The following EYS variants were observed in gnomAD, a reference collection of about 807,000 sequenced individuals.
EYS encodes EGF-like photoreceptor maintenance factor.
A neutral mutation model predicts 282.1 loss-of-function variants in EYS; 250 were observed. That is an observed-to-expected ratio of 0.89 (90% CI 0.80 to 0.98). The LOEUF is 0.98. Ranked by LOEUF, EYS falls within the 50% of genes least tolerant of loss-of-function variation. The probability of loss-of-function intolerance (pLI) is 0.00; values close to 1 mark genes in which losing one functional copy is unlikely to be tolerated. For missense variants in EYS, 4,016 were observed against 3,709.0 expected, an observed-to-expected ratio of 1.08 and a Z score of -2.15; for synonymous variants, 1,355 against 1,282.9, an observed-to-expected ratio of 1.06 and a Z score of -1.20.
chr6:64,836,595 A>C (rs1765390531), intron 19 of EYS, among the ~76,000 whole-genome samples: 1 of 151,572 alleles, frequency 6.6e-6, no homozygotes, highest in Non-Finnish European at 1.5e-5. Context: ...AATTTTACCA[A>C]AATTTTTTTC....
At chr6:65,062,241 C>T (rs1174530530) in intron 12 of EYS, among the ~76,000 whole-genome samples, 1 of 151,856 alleles carries the variant, frequency 6.6e-6, no homozygotes, top group Non-Finnish European at 1.5e-5. Flanking sequence ...AAACAAAACT[C>T]TCTAAGCAGC....
At chr6:64,431,167 AT>A (rs145429393) in intron 28 of EYS, among the ~76,000 whole-genome samples, 11 of 151,950 alleles carry the variant, frequency 7.2e-5, no homozygotes, top group African/African-American at 2.7e-4. Flanking sequence ...CTGCCTCCCT[AT>A]TTTTTTGATA....
At chr6:65,605,665 A>G (rs1380236747) in intron 2 of EYS, among the ~76,000 whole-genome samples, 2 of 151,916 alleles carry the variant, frequency 1.3e-5, no homozygotes, top group African/African-American at 2.4e-5. Flanking sequence ...TTGATTAAAT[A>G]CATTTGGTAT....
chr6:64,095,835 G>A (rs980136100), intron 31 of EYS, among the ~76,000 whole-genome samples: 2 of 152,178 alleles, frequency 1.3e-5, no homozygotes, highest in African/African-American at 4.8e-5. Flanking sequence ...AGTTGATGCA[G>A]TTTCTTCCTA....
chr6:64,228,760 A>G (rs984080554), intron 31 of EYS, among the ~76,000 whole-genome samples: 1 of 152,124 alleles, frequency 6.6e-6, no homozygotes, highest in African/African-American at 2.4e-5. Context: ...CCAAAACATC[A>G]AATACAATTA....
intron 41 of EYS, 92 bp from the exon 42 acceptor site, chr6:63,726,772 T>C: frequency 1.7e-6 from 2 of 1,190,916 alleles, no homozygotes; most frequent in Non-Finnish European, 2.4e-6. Context: ...TGTAATTTTG[T>C]AATTTCAGGA....
intron 15 of EYS, among the ~76,000 whole-genome samples, chr6:64,918,541 A>C (rs1768234233): frequency 6.6e-6 from 1 of 152,194 alleles, no homozygotes; most frequent in African/African-American, 2.4e-5. Context: ...TGGAAGCATG[A>C]AGATCATTTA....
intron 22 of EYS, among the ~76,000 whole-genome samples, chr6:64,701,159 G>C (rs1393519294): frequency 1.3e-5 from 2 of 152,052 alleles, no homozygotes; most frequent in African/African-American, 4.8e-5. Flanking sequence ...GGCCGAACTG[G>C]ATTGCCATAT....
chr6:64,184,616 A>ATTG, intron 31 of EYS, among the ~76,000 whole-genome samples: 1 of 140,010 alleles, frequency 7.1e-6, no homozygotes, highest in African/African-American at 2.5e-5. Context: ...CTGGAAGGCT[A>ATTG]ACACTTGAAA....
intron 11 of EYS, among the ~76,000 whole-genome samples, chr6:65,324,400 C>T (rs184482342): frequency 2.3e-3 from 354 of 152,290 alleles, no homozygotes; most frequent in Admixed American, 4.8e-3. Context: ...CAGTTCACAT[C>T]TTCACCCTAA....
chr6:64,251,680 G>C (rs4710476), intron 30 of EYS, among the ~76,000 whole-genome samples: 2 of 151,882 alleles, frequency 1.3e-5, no homozygotes, highest in Non-Finnish European at 1.5e-5. Context: ...ATGTTTTGCT[G>C]AAATAGTTTA....
intron 12 of EYS, among the ~76,000 whole-genome samples, chr6:65,259,368 C>A (rs371043867): frequency 1.3e-5 from 2 of 152,000 alleles, no homozygotes; most frequent in South Asian, 4.1e-4. Context: ...TGCAGTTTTG[C>A]AGCAAATTTT....
At chr6:64,272,429 A>T (rs1767974359) in intron 30 of EYS, among the ~76,000 whole-genome samples, 1 of 152,088 alleles carries the variant, frequency 6.6e-6, no homozygotes, top group Non-Finnish European at 1.5e-5. Context: ...TCCTTTCCAA[A>T]TTTAGTGCTT....
chr6:65,575,265 T>C (rs1764620762), intron 2 of EYS, among the ~76,000 whole-genome samples: 1 of 151,648 alleles, frequency 6.6e-6, no homozygotes, highest in South Asian at 2.1e-4. Context: ...AGGTGGAAGG[T>C]GCAGTGAGCT....
At chr6:64,587,299 T>C (rs1342672214) in intron 26 of EYS, among the ~76,000 whole-genome samples, 1 of 152,084 alleles carries the variant, frequency 6.6e-6, no homozygotes, top group Non-Finnish European at 1.5e-5. Flanking sequence ...ATACCACATA[T>C]GGTGGAAATG....
chr6:64,350,242 A>G (rs1281459192), intron 29 of EYS, among the ~76,000 whole-genome samples: 1 of 151,578 alleles, frequency 6.6e-6, no homozygotes, highest in Non-Finnish European at 1.5e-5. Flanking sequence ...GAACAATTTT[A>G]GAAAAATAAA....
Position 63,879,787 on chromosome 6 carries a change from A to C in EYS, c.7056-15429T>G, listed in dbSNP as rs148688592. 8.6e-3 allele frequency among the ~76,000 whole-genome samples: 1,316 copies of C among 152,270 alleles called. 9 individuals are homozygous for C. The highest frequency in any genetic ancestry group is 0.012 in the Non-Finnish European group (837 of 68,014). On this transcript the variant is annotated intron_variant, in intron 35 of 42. Transcript: ENST00000503581. The stretch of plus-strand genomic sequence containing the variant: ...ACTGTTGTTATTGTTGATGATGATG[A>C]TGATGATTCATTATAAAATGAAGCA...
Position 65,675,462 on chromosome 6 carries a change from A to T in EYS, c.-448+31673T>A, listed in dbSNP as rs1379541052. Among the ~76,000 whole-genome samples, 3 of 152,052 alleles carry T rather than the reference A, an allele frequency of 2.0e-5. No individual in the cohort carries two copies. The East Asian group carries it at 5.8e-4, about 29-fold the overall frequency. On this transcript the variant is annotated intron_variant, in intron 1 of 42. Coordinates refer to ENST00000503581, the MANE Select transcript of EYS (RefSeq NM_001142800.2). The stretch of plus-strand genomic sequence containing the variant: ...GTAAGTGGTTAGCAAAAGAAGGCAG[A>T]GGTAGCCATATTTGTATCAGACAAA...
intron 34 of EYS, among the ~76,000 whole-genome samples, chr6:63,996,111 C>T (rs1008792887): frequency 2.0e-5 from 3 of 151,528 alleles, no homozygotes; most frequent in East Asian, 1.9e-4. Flanking sequence ...AAAAGGAAAA[C>T]GATATATGTG....
Sources: gnomAD v4.1 joint callset for allele counts (sites outside exome capture counted in the v4.1 genomes callset) on GRCh38, gnomAD v4.1.1 for gene constraint, MANE v1.5 for transcripts, NCBI Gene and HGNC (gene_info 2026-07-23, HGNC 2026-07-21) for gene names.